Variants in COMMD1 observed in about 807,000 individuals in gnomAD.
The protein encoded by COMMD1 is copper metabolism domain containing 1.
Under a neutral mutation model 17.2 loss-of-function variants are expected in COMMD1, and 10 were observed. That is an observed-to-expected ratio of 0.58 (90% CI 0.36 to 0.99). The LOEUF is 0.99. Ranked by LOEUF, COMMD1 falls within the 50% of genes least tolerant of loss-of-function variation. The pLI, the probability that COMMD1 is intolerant of heterozygous loss-of-function variation, is 0.01. For synonymous variants in COMMD1, 97 were observed against 91.6 expected, an observed-to-expected ratio of 1.06 and a Z score of -0.34; for missense variants, 270 against 231.8, an observed-to-expected ratio of 1.17 and a Z score of -1.07.
At chr2:62,118,769 G>A (rs1347757032) in intron 2 of COMMD1, among the ~76,000 whole-genome samples, 1 of 152,236 alleles carries the variant, frequency 6.6e-6, no homozygotes, top group Non-Finnish European at 1.5e-5. Flanking sequence ...TATGGCTTCT[G>A]CCAAAATGGG....
At chr2:62,019,690 G>A (rs544327738) in intron 2 of COMMD1, among the ~76,000 whole-genome samples, 10 of 152,252 alleles carry the variant, frequency 6.6e-5, no homozygotes, top group South Asian at 2.1e-4. Flanking sequence ...CATGTTAGGC[G>A]ATAGATGCAA....
intron 2 of COMMD1, among the ~76,000 whole-genome samples, chr2:62,028,498 C>G (rs1669828504): frequency 6.6e-6 from 1 of 151,994 alleles, no homozygotes; most frequent in Non-Finnish European, 1.5e-5. Flanking sequence ...TTGACAAAAA[C>G]TTGAGTCTGG....
At chr2:62,060,127 C>T (rs1052010456) in intron 2 of COMMD1, among the ~76,000 whole-genome samples, 2 of 151,998 alleles carry the variant, frequency 1.3e-5, no homozygotes, top group African/African-American at 4.8e-5. Context: ...TCAGGAGTTC[C>T]AGACCGGCTT....
intron 2 of COMMD1, among the ~76,000 whole-genome samples, chr2:62,070,898 G>A (rs1326637538): frequency 6.6e-6 from 1 of 152,168 alleles, no homozygotes; most frequent in Admixed American, 6.5e-5. Flanking sequence ...GGGTGTGGTG[G>A]TGCATGCCTG....
chr2:61,935,631 CA>C (rs576624967), intron 1 of COMMD1, among the ~76,000 whole-genome samples: 46 of 142,836 alleles, frequency 3.2e-4, no homozygotes, highest in Middle Eastern at 3.5e-3. Context: ...GACTCTGTTT[CA>C]AAAAAAAAAA....
chr2:62,072,048 A>C (rs1277583506), intron 2 of COMMD1, among the ~76,000 whole-genome samples: 1 of 151,942 alleles, frequency 6.6e-6, no homozygotes. Flanking sequence ...GCCTCACTCT[A>C]GTATAGTATC....
chr2:62,099,304 C>T (rs1278565204), intron 2 of COMMD1, among the ~76,000 whole-genome samples: 1 of 152,098 alleles, frequency 6.6e-6, no homozygotes. Context: ...ATTCTAGATG[C>T]CACCTAAGTA....
chr2:61,972,862 G>A (rs987821149), intron 1 of COMMD1, among the ~76,000 whole-genome samples: 80 of 152,130 alleles, frequency 5.3e-4, no homozygotes, highest in African/African-American at 1.9e-3. Context: ...GTAGAGACTG[G>A]GTTTCAGCAA....
intron 1 of COMMD1, among the ~76,000 whole-genome samples, chr2:61,992,821 T>A (rs1274062013): frequency 6.6e-6 from 1 of 152,200 alleles, no homozygotes; most frequent in Non-Finnish European, 1.5e-5. Flanking sequence ...CTGCGACACA[T>A]TTAACAGATA....
chr2:62,029,581 A>G (rs1669858956), intron 2 of COMMD1, among the ~76,000 whole-genome samples: 1 of 152,166 alleles, frequency 6.6e-6, no homozygotes, highest in East Asian at 1.9e-4. Flanking sequence ...TTATTTAATC[A>G]TTTAAAGAGA....
At chr2:61,963,546 G>A (rs1573007616) in intron 1 of COMMD1, among the ~76,000 whole-genome samples, 2 of 152,216 alleles carry the variant, frequency 1.3e-5, no homozygotes, top group Non-Finnish European at 2.9e-5. Flanking sequence ...GTTTCACCAT[G>A]TTGGTCAGGC....
chr2:62,041,891 C>T (rs1027885745), intron 2 of COMMD1, among the ~76,000 whole-genome samples: 17 of 152,122 alleles, frequency 1.1e-4, no homozygotes, highest in Non-Finnish European at 1.5e-5. Context: ...CGATGCAGAC[C>T]CAAAGAGTGA....
intron 1 of COMMD1, among the ~76,000 whole-genome samples, chr2:61,990,594 G>C (rs1238936106): frequency 6.6e-6 from 1 of 152,160 alleles, no homozygotes; most frequent in Non-Finnish European, 1.5e-5. Context: ...AGGTTTATTT[G>C]ACTTACAGTT....
At chr2:61,963,149 G>C (rs539210557) in intron 1 of COMMD1, among the ~76,000 whole-genome samples, 20 of 144,828 alleles carry the variant, frequency 1.4e-4, no homozygotes, top group Non-Finnish European at 2.4e-4. Context: ...GACAGAGTGA[G>C]ACCCTGTCTC....
chr2:61,940,116 G>GT (rs1027610670), intron 1 of COMMD1, among the ~76,000 whole-genome samples: 5 of 152,166 alleles, frequency 3.3e-5, no homozygotes, highest in African/African-American at 1.2e-4. Flanking sequence ...AGTGCTCACA[G>GT]TTTTTTGTCA....
chr2:61,965,054 AGAATT>A (rs1671471353), intron 1 of COMMD1, among the ~76,000 whole-genome samples: 2 of 152,146 alleles, frequency 1.3e-5, no homozygotes, highest in African/African-American at 4.8e-5. Flanking sequence ...TTAAAAAAAA[AGAATT>A]GAGGGATTGA....
chr2:61,995,091 G>A (rs1012069972), intron 1 of COMMD1, among the ~76,000 whole-genome samples: 1 of 34,526 alleles, frequency 2.9e-5, no homozygotes, highest in Non-Finnish European at 5.0e-5. Flanking sequence ...ATCAGATTCA[G>A]CTTAAAATTT....
At chr2:62,082,454 A>T (rs978511946) in intron 2 of COMMD1, among the ~76,000 whole-genome samples, 1 of 152,136 alleles carries the variant, frequency 6.6e-6, no homozygotes, top group Admixed American at 6.5e-5. Flanking sequence ...TTTCCCTTAG[A>T]TGACGCACCC....
intron 2 of COMMD1, among the ~76,000 whole-genome samples, chr2:62,044,319 G>T (rs1296434244): frequency 1.3e-5 from 2 of 152,128 alleles, no homozygotes; most frequent in Non-Finnish European, 2.9e-5. Flanking sequence ...GTAACATTAG[G>T]TTAGAAGAGA....
Sources: allele counts gnomAD v4.1 joint callset (sites outside exome capture counted in the v4.1 genomes callset), GRCh38; gene constraint gnomAD v4.1.1; transcripts MANE v1.5; gene names NCBI Gene and HGNC (gene_info 2026-07-23, HGNC 2026-07-21).